Variants in LOXHD1 observed in about 807,000 individuals in gnomAD.
LOXHD1 encodes the protein lipoxygenase homology domain-containing protein 1.
LOXHD1 carries 205 observed loss-of-function variants against 248.2 expected under a neutral mutation model. The observed-to-expected ratio is 0.83, with a 90% confidence interval of 0.74 to 0.93. LOXHD1 has a LOEUF of 0.93. Ranked by LOEUF, LOXHD1 falls within the 40% of genes least tolerant of loss-of-function variation. The pLI, the probability that LOXHD1 is intolerant of heterozygous loss-of-function variation, is 0.00. For missense variants in LOXHD1, 2,930 were observed against 2,971.6 expected, an observed-to-expected ratio of 0.99 and a Z score of 0.33; for synonymous variants, 1,113 against 1,162.8, an observed-to-expected ratio of 0.96 and a Z score of 0.87.
At chr18:46,551,258 A>G (rs538562886) in intron 21 of LOXHD1, among the ~76,000 whole-genome samples, 1 of 151,922 alleles carries the variant, frequency 6.6e-6, no homozygotes, top group Non-Finnish European at 1.5e-5. Flanking sequence ...ACTCACCACC[A>G]CGTCTGGCTA....
At position 46,606,166 on chromosome 18, in the gene LOXHD1, TC is replaced by T. The variant is rs1299323851; in HGVS notation, c.760-1938del. ...TAACTAAGTTAAGTAAGAAAGGGAATCAAGAAAAATAAAACTATACAGCAGC... is the reference window on the plus strand; with the variant it reads ...TAACTAAGTTAAGTAAGAAAGGGAATAAGAAAAATAAAACTATACAGCAGC... On this transcript the variant is annotated intron_variant, in intron 6 of 40. Transcript: ENST00000642948. 2.0e-4 allele frequency among the ~76,000 whole-genome samples: 31 copies of T among 152,166 alleles called. No individual in the cohort carries two copies. The East Asian group carries it at 5.0e-3, about 25-fold the overall frequency.
At chr18:46,486,152 A>G (rs1417737547) in intron 38 of LOXHD1, among the ~76,000 whole-genome samples, 3 of 152,102 alleles carry the variant, frequency 2.0e-5, no homozygotes, top group Non-Finnish European at 4.4e-5. Flanking sequence ...CAGGGACCAG[A>G]CCAGGGATGG....
chr18:46,626,473 G>A (rs192856276), intron 4 of LOXHD1, among the ~76,000 whole-genome samples: 25 of 152,338 alleles, frequency 1.6e-4, no homozygotes, highest in African/African-American at 6.0e-4. Context: ...GGGAGGCAGA[G>A]GTTGCAGTGA....
At chr18:46,545,993 A>T (rs879813394) in intron 22 of LOXHD1, among the ~76,000 whole-genome samples, 14 of 151,686 alleles carry the variant, frequency 9.2e-5, no homozygotes, top group Non-Finnish European at 1.9e-4. Flanking sequence ...TAGTCTGGAA[A>T]CTTCCAGAGG....
chr18:46,647,289 G>A (rs1484821825), intron 2 of LOXHD1, among the ~76,000 whole-genome samples: 4 of 152,184 alleles, frequency 2.6e-5, no homozygotes, highest in Admixed American at 2.6e-4. Context: ...CGAACTCCTG[G>A]GAATGGAGGC....
At chr18:46,529,443 A>G in intron 28 of LOXHD1, 112 bp from the exon 29 acceptor site, 1 of 1,268,464 alleles carries the variant, frequency 7.9e-7, no homozygotes, top group Admixed American at 2.8e-5. Flanking sequence ...CCTAGGCCTC[A>G]AGGGGTTAAT....
chr18:46,595,180 T>C (rs1182512340), intron 8 of LOXHD1, among the ~76,000 whole-genome samples: 1 of 152,228 alleles, frequency 6.6e-6, no homozygotes, highest in African/African-American at 2.4e-5. Context: ...CTGTTCATAG[T>C]GACAAAAATT....
chr18:46,536,038 G>C (rs2036295411), intron 26 of LOXHD1, among the ~76,000 whole-genome samples: 1 of 152,188 alleles, frequency 6.6e-6, no homozygotes, highest in Non-Finnish European at 1.5e-5. Context: ...TGAACTTCTT[G>C]AGTCTAGATC....
intron 20 of LOXHD1, among the ~76,000 whole-genome samples, chr18:46,558,615 A>C (rs1234677793): frequency 6.6e-6 from 1 of 152,202 alleles, no homozygotes; most frequent in East Asian, 1.9e-4. Context: ...AAATATGTTA[A>C]TTAATTTAGT....
chr18:46,481,335 G>A (rs1162115803), intron 40 of LOXHD1, among the ~76,000 whole-genome samples: 8 of 151,992 alleles, frequency 5.3e-5, no homozygotes, highest in Non-Finnish European at 7.4e-5. Context: ...AACTGCAGGC[G>A]ACAGGTTTTC....
At chr18:46,548,422 G>A (rs963265575) in intron 21 of LOXHD1, among the ~76,000 whole-genome samples, 3 of 152,168 alleles carry the variant, frequency 2.0e-5, no homozygotes, top group African/African-American at 7.2e-5. Context: ...CAGAGAGCGA[G>A]ATCTCAGTCA....
At chr18:46,510,249 G>A (rs1489528502) in intron 34 of LOXHD1, among the ~76,000 whole-genome samples, 1 of 152,216 alleles carries the variant, frequency 6.6e-6, no homozygotes, top group African/African-American at 2.4e-5. Flanking sequence ...GAGATTCTGT[G>A]CATGACAGGC....
chr18:46,629,502 A>G (rs923129760), intron 4 of LOXHD1, among the ~76,000 whole-genome samples: 6 of 152,130 alleles, frequency 3.9e-5, no homozygotes, highest in African/African-American at 1.4e-4. Flanking sequence ...CAATTTGCAC[A>G]TGCCCCTAAT....
At chr18:46,516,537 G>C (rs577380555) in intron 34 of LOXHD1, among the ~76,000 whole-genome samples, 104 of 152,198 alleles carry the variant, frequency 6.8e-4, no homozygotes, top group African/African-American at 2.3e-3. Context: ...AATGCTGCCT[G>C]GTCCTCAAAA....
At chr18:46,523,900 T>A (rs2035701070) in intron 31 of LOXHD1, among the ~76,000 whole-genome samples, 1 of 152,274 alleles carries the variant, frequency 6.6e-6, no homozygotes, top group South Asian at 2.1e-4. Flanking sequence ...GTTGTCACAC[T>A]CTTATGTTTA....
rs1181233780 is a variant in LOXHD1, at chr18:46,601,340, G to A, written c.1011C>T (p.Gly337=). The A allele has an allele frequency of 1.1e-5, 17 of 1,551,520 alleles. No individual in the cohort carries two copies. Among genetic ancestry groups the A allele is most frequent in the African/African-American group, 1.4e-5 (1 of 72,992 alleles). ...KNSGKIFLEG[G]VFDRGRTDIF... ...TGTCCGTGCGGCCTCGGTCAAACAC[G>A]CCGCCCTCCAGGAAGATTTTCCCAC... is the stretch of plus-strand genomic sequence containing the variant. Residue 337 remains glycine (G), a synonymous_variant, in exon 8 of 41, where the codon GGC becomes GGT. Transcript: ENST00000642948.
chr18:46,649,783 C>T (rs549086919), intron 1 of LOXHD1, among the ~76,000 whole-genome samples: 2 of 152,258 alleles, frequency 1.3e-5, no homozygotes, highest in South Asian at 4.2e-4. Context: ...TTGGCAGGGG[C>T]TCTGATTTCT....
intron 6 of LOXHD1, among the ~76,000 whole-genome samples, chr18:46,609,119 T>C (rs1262935119): frequency 6.6e-6 from 1 of 152,184 alleles, no homozygotes; most frequent in African/African-American, 2.4e-5. Flanking sequence ...TTTATCCCCA[T>C]TTTCTCTCCC....
At chr18:46,481,668 T>C (rs538511050) in intron 40 of LOXHD1, among the ~76,000 whole-genome samples, 2 of 152,258 alleles carry the variant, frequency 1.3e-5, no homozygotes, top group East Asian at 3.9e-4. Context: ...CACAGATATC[T>C]CTTCCTCCCC....
Sources: gnomAD v4.1 joint callset for allele counts (sites outside exome capture counted in the v4.1 genomes callset) on GRCh38, gnomAD v4.1.1 for gene constraint, MANE v1.5 for transcripts, NCBI Gene and HGNC (gene_info 2026-07-23, HGNC 2026-07-21) for gene names.